Variants in TRIOBP observed in about 807,000 individuals in gnomAD.
TRIOBP encodes the protein TRIO and F-actin binding protein.
In TRIOBP, 169 loss-of-function variants were observed where a neutral mutation model predicts 238.8. The ratio of observed to expected loss-of-function variants is 0.71; its 90% confidence interval spans 0.62 to 0.80. TRIOBP has a LOEUF of 0.80. Among genes scored for constraint, TRIOBP ranks in the 30% least tolerant of loss-of-function variants. TRIOBP has a pLI of 0.00. For synonymous variants in TRIOBP, 1,150 were observed against 1,274.4 expected (o/e 0.90, Z 2.08); for missense variants, 2,838 against 3,122.6 (o/e 0.91, Z 2.17).
At position 37,726,466 on chromosome 22, in the gene TRIOBP, C is replaced by T. The variant is rs550274094; in HGVS notation, c.3910C>T (p.Arg1304Cys). The stretch of plus-strand genomic sequence containing the variant: ...CGGGGGCCGCACCCACAGCCCTGGC[C>T]GTGCAGAGGTGGAGCGCCTCTTCGG... ...SSGGRTHSPG[R>C]AEVERLFGQE... Residue 1304 changes from arginine (R) to cysteine (C), a missense_variant, in exon 7 of 24, where the codon CGT becomes TGT. Coordinates refer to ENST00000644935, the MANE Select transcript of TRIOBP (RefSeq NM_001039141.3). 2.5e-5 allele frequency: 39 copies of T among 1,552,154 alleles called. No homozygotes were observed. Among genetic ancestry groups the T allele is most frequent in the African/African-American group, 9.5e-5 (7 of 73,974 alleles).
chr22:37,708,100 G>A (rs1198716500), intron 3 of TRIOBP, among the ~76,000 whole-genome samples: 1 of 150,848 alleles, frequency 6.6e-6, no homozygotes, highest in African/African-American at 2.4e-5. Flanking sequence ...CAAAAAATTA[G>A]CTGGGCATGG....
chr22:37,714,783 C>G (rs954546151), intron 5 of TRIOBP, among the ~76,000 whole-genome samples: 1 of 152,042 alleles, frequency 6.6e-6, no homozygotes, highest in Non-Finnish European at 1.5e-5. Context: ...CTCAAGTGAT[C>G]CCCCCACCTC....
chr22:37,752,524 C>A (rs961988255), intron 12 of TRIOBP, among the ~76,000 whole-genome samples: 1 of 152,228 alleles, frequency 6.6e-6, no homozygotes, highest in African/African-American at 2.4e-5. Flanking sequence ...GTCTCCCCAC[C>A]CCTGCCCTGC....
chr22:37,707,707 C>T (rs535090441), intron 3 of TRIOBP, among the ~76,000 whole-genome samples: 4 of 151,506 alleles, frequency 2.6e-5, no homozygotes, highest in East Asian at 1.9e-4. Context: ...TTTGGGAGGC[C>T]GAGGCAGGTG....
intron 11 of TRIOBP, among the ~76,000 whole-genome samples, chr22:37,749,470 A>C (rs534669120): frequency 1.8e-4 from 27 of 152,198 alleles, no homozygotes; most frequent in South Asian, 1.2e-3. Flanking sequence ...GTGCCTGGCC[A>C]GGTAGGAGGC....
At chr22:37,759,557 G>A (rs369175318) in intron 17 of TRIOBP, 219 of 1,598,448 alleles carry the variant, frequency 1.4e-4, no homozygotes, top group Non-Finnish European at 1.7e-4. Flanking sequence ...CAGAGCCTGT[G>A]TGTGAGTCCC....
chr22:37,750,602 T>TCTCGG (rs1260865491), intron 11 of TRIOBP: 2 of 470,216 alleles, frequency 4.3e-6, no homozygotes, highest in Non-Finnish European at 4.4e-6. Context: ...CCCCAGGGGT[T>TCTCGG]CTCGGCCGTG....
intron 8 of TRIOBP, among the ~76,000 whole-genome samples, chr22:37,734,081 G>C (rs954937705): frequency 6.6e-6 from 1 of 152,206 alleles, no homozygotes; most frequent in Admixed American, 6.5e-5. Flanking sequence ...GGCTAGGCCC[G>C]CCTCAGTGGA....
rs770332171 is a variant in TRIOBP at position 37,710,519 on chromosome 22, C to T, written c.207C>T (p.Ser69=). ...APEDPLSAST[S]GCQSVVDPGL... ...AGGACCCACTCAGCGCCTCAACCTC[C>T]GGCTGCCAGTCTGTGGTGGACCCAG... The change falls in exon 4 of 24, where the codon TCC becomes TCT. Residue 69 remains serine (S), a synonymous_variant. Transcript: ENST00000644935. 33 of 1,611,988 alleles carry T rather than the reference C, an allele frequency of 2.0e-5. 1 individual carries two copies. The highest frequency in any genetic ancestry group is 4.0e-5 in the African/African-American group (3 of 74,910).
Position 37,720,882 on chromosome 22 carries a change from G to C in TRIOBP, c.629-2303G>C, listed in dbSNP as rs543978097. ...TTTTTGTTTTTTGTTTTCTGAGACA[G>C]AGTCTCGCTCTGTCACCCAGGCTGG... On this transcript the variant is annotated intron_variant, in intron 6 of 23. Transcript: ENST00000644935. Among the ~76,000 whole-genome samples, 200 of 152,148 alleles carry C rather than the reference G, an allele frequency of 1.3e-3. 1 individual carries two copies. The highest frequency in any genetic ancestry group is 1.9e-3 in the Non-Finnish European group (130 of 67,994).
chr22:37,715,635 G>C, intron 5 of TRIOBP, 128 bp from the exon 6 acceptor site: 1 of 1,102,978 alleles, frequency 9.1e-7, no homozygotes, highest in African/African-American at 1.5e-5. Context: ...GAGCCACAGC[G>C]CCTGGCCAGG....
intron 3 of TRIOBP, among the ~76,000 whole-genome samples, chr22:37,709,541 T>C (rs961998794): frequency 6.6e-6 from 1 of 151,782 alleles, no homozygotes; most frequent in Admixed American, 6.6e-5. Flanking sequence ...GGGACGAGGG[T>C]GCTGACAGTC....
chr22:37,765,787 C>G lies in TRIOBP; in HGVS notation c.6442C>G (p.Leu2148Val), dbSNP rs1926462480. ...CCTGCAGCAGGAGAAGGAGTGGCTC[C>G]TGGCTGAGGAGACGGCAGCCACGGC... The part of the protein sequence containing the change: ...QRLQQEKEWL[L>V]AEETAATASA... The change falls in exon 18 of 24, where the codon CTG becomes GTG. Residue 2148 changes from leucine (L) to valine (V), a missense_variant. This residue lies in a region of TRIOBP where 2,096 missense variants were observed against 2,137.4 expected (regional missense o/e 0.98). Coordinates refer to ENST00000644935, the MANE Select transcript of TRIOBP (RefSeq NM_001039141.3). 2.5e-6 allele frequency: 4 copies of G among 1,590,820 alleles called. No individual in the cohort carries two copies. The highest frequency in any genetic ancestry group is 3.4e-6 in the Non-Finnish European group (4 of 1,171,672).
intron 23 of TRIOBP, among the ~76,000 whole-genome samples, 177 bp downstream of exon 23, chr22:37,772,941 G>A (rs536645025): frequency 2.6e-5 from 4 of 152,160 alleles, no homozygotes; most frequent in African/African-American, 9.7e-5. Context: ...CATCAGACCC[G>A]GGCCACAGGC....
At position 37,715,882 on chromosome 22, in the gene TRIOBP, T is replaced by C. The variant is rs1385315817; in HGVS notation, c.576T>C (p.Ser192=). The change falls in exon 6 of 24, where the codon TCT becomes TCC. Residue 192 remains serine, a synonymous_variant. Coordinates refer to ENST00000644935, the MANE Select transcript of TRIOBP (RefSeq NM_001039141.3). ...PRADSSQRAP[S]LLTRSPVGGD... Reference sequence around the variant, plus strand: ...CTGACAGCTCCCAAAGGGCTCCGTCTCTCCTCACCAGGTCCCCTGTGGGAG... The same window carrying C: ...CTGACAGCTCCCAAAGGGCTCCGTCCCTCCTCACCAGGTCCCCTGTGGGAG... The C allele has an allele frequency of 1.2e-6, 2 of 1,613,598 alleles. No homozygotes were observed. The highest frequency in any genetic ancestry group is 1.7e-6 in the Non-Finnish European group (2 of 1,179,884).
At chr22:37,747,021 C>T (rs1248460352) in intron 11 of TRIOBP, among the ~76,000 whole-genome samples, 2 of 152,212 alleles carry the variant, frequency 1.3e-5, no homozygotes, top group Non-Finnish European at 2.9e-5. Context: ...TTGCAGCGGT[C>T]CTGGGGCCTT....
Position 37,757,866 on chromosome 22 carries a change from C to T in TRIOBP, c.5941C>T (p.Gln1981Ter). 1 of 1,552,642 alleles carries T rather than the reference C, an allele frequency of 6.4e-7. No individual in the cohort carries two copies. The highest frequency in any genetic ancestry group is 8.7e-7 in the Non-Finnish European group (1 of 1,148,248). The change falls in exon 16 of 24, where the codon CAG becomes TAG. Residue 1981 changes from glutamine to a stop codon, truncating the protein, a stop_gained. Coordinates refer to ENST00000644935, the MANE Select transcript of TRIOBP (RefSeq NM_001039141.3). LOFTEE classifies it high-confidence loss of function. ...GGAGGAGCTGGAGCGGGACCTGGCC[C>T]AGCGCTCCGAGGAGCGGCGCAAGTG... is the stretch of plus-strand genomic sequence containing the variant. ...KQEELERDLAQRSEERRKWFE... is the reference protein window; with the variant it reads ...KQEELERDLA
At chr22:37,713,167 C>T (rs1156846147) in intron 4 of TRIOBP, 43 bp from the exon 5 acceptor site, 1 of 1,548,578 alleles carries the variant, frequency 6.5e-7, no homozygotes, top group Admixed American at 1.9e-5. Context: ...GTGGGGGATG[C>T]TCCTAACTCC....
chr22:37,769,017 C>T lies in TRIOBP; in HGVS notation c.6576-11C>T. 6.2e-7 allele frequency: 1 copy of T among 1,613,256 alleles called. No homozygotes were observed. Among genetic ancestry groups the T allele is most frequent in the South Asian group, 1.1e-5 (1 of 91,044 alleles). ...CAACCTATGCTCTCCTCTGCTCCTC[C>T]TCTGGGGCAGGTCAGATGTGGAGGC... On this transcript the variant is annotated splice_polypyrimidine_tract_variant and intron_variant, in intron 19 of 23. Transcript: ENST00000644935.
Sources: allele counts gnomAD v4.1 joint callset (sites outside exome capture counted in the v4.1 genomes callset), GRCh38; gene constraint gnomAD v4.1.1; regional missense constraint gnomAD v4.1.1; transcripts MANE v1.5; gene names NCBI Gene and HGNC (gene_info 2026-07-23, HGNC 2026-07-21).